The following TSACC variants were observed in gnomAD, a reference collection of about 807,000 sequenced individuals.
The protein encoded by TSACC is TSSK6 activating cochaperone.
Under a neutral mutation model 6.9 loss-of-function variants are expected in TSACC, and 3 were observed. That is an observed-to-expected ratio of 0.43 (90% CI 0.20 to 1.12). The LOEUF is 1.12. TSACC is among the 50% of genes most tolerant of loss of function. The probability of loss-of-function intolerance (pLI) is 0.28; values close to 1 mark genes in which losing one functional copy is unlikely to be tolerated. For synonymous variants in TSACC, 54 were observed against 55.1 expected, an observed-to-expected ratio of 0.98 and a Z score of 0.09; for missense variants, 137 against 143.9, an observed-to-expected ratio of 0.95 and a Z score of 0.24.
chr1:156,342,062 CAAAAA>C (rs554820517), intron 2 of TSACC, among the ~76,000 whole-genome samples: 1 of 57,266 alleles, frequency 1.7e-5, no homozygotes, highest in Non-Finnish European at 3.8e-5. Context: ...ACTCCGTCTC[CAAAAA>C]AAAAAAAAAA....
upstream of TSACC, chr1:156,338,022 C>A: frequency 1.0e-6 from 1 of 982,588 alleles, no homozygotes. Flanking sequence ...GGACACTGGG[C>A]TTCCAAAATG....
chr1:156,342,059 C>G (rs926659777), intron 2 of TSACC, among the ~76,000 whole-genome samples: 17 of 138,214 alleles, frequency 1.2e-4, no homozygotes, highest in African/African-American at 4.7e-4. Context: ...AAGACTCCGT[C>G]TCCAAAAAAA....
At chr1:156,339,545 A>G (rs1355247403) in intron 1 of TSACC, 89 bp from the exon 2 acceptor site, 1 of 515,492 alleles carries the variant, frequency 1.9e-6, no homozygotes, top group Non-Finnish European at 3.4e-6. Flanking sequence ...TGTTTTCCAA[A>G]CTAGTGAAGG....
At chr1:156,340,658 G>A (rs1349716052) in intron 2 of TSACC, among the ~76,000 whole-genome samples, 2 of 149,902 alleles carry the variant, frequency 1.3e-5, no homozygotes, top group Non-Finnish European at 3.0e-5. Context: ...ATGGGGTTTC[G>A]CCATCTTGGT....
chr1:156,337,942 G>T (rs1665515013), upstream of TSACC, among the ~76,000 whole-genome samples: 1 of 152,194 alleles, frequency 6.6e-6, no homozygotes, highest in African/African-American at 2.4e-5. Context: ...AAGGAAAGAG[G>T]CTCGGCGAGA....
chr1:156,344,573 G>C lies in TSACC; in HGVS notation c.35-7G>C. ...AATGAGCTCTGATTTAGTTATCTCT[G>C]ATTTAGTTCCAGCCAAAGAGGAAGC... On this transcript the variant is annotated splice_polypyrimidine_tract_variant and splice_region_variant and intron_variant, in intron 2 of 3. Coordinates refer to ENST00000368254, the MANE Select transcript of TSACC (RefSeq NM_001304817.2). 1 of 1,613,100 alleles carries C rather than the reference G, an allele frequency of 6.2e-7. No homozygotes were observed. Among genetic ancestry groups the C allele is most frequent in the African/African-American group, 1.3e-5 (1 of 74,770 alleles).
chr1:156,342,725 GCCTGTCTGC>G (rs1172464172), intron 2 of TSACC, among the ~76,000 whole-genome samples: 2 of 152,188 alleles, frequency 1.3e-5, no homozygotes, highest in African/African-American at 4.8e-5. Flanking sequence ...ATCACCTAAT[GCCTGTCTGC>G]ACAGCAAGAC....
rs1453335498 is a variant in TSACC, at chr1:156,346,867, A to G, written c.263A>G (p.Glu88Gly). ...QLAQQQMAVLEHLQASVTQLA... is the reference protein window; with the variant it reads ...QLAQQQMAVLGHLQASVTQLA... ...GCCCAACAACAGATGGCTGTTTTGG[A>G]ACATTTACAGGCATCTGTGACACAA... is the stretch of plus-strand genomic sequence containing the variant. The change falls in exon 4 of 4, where the codon GAA becomes GGA. Residue 88 changes from glutamate to glycine, a missense_variant. Transcript: ENST00000368254. 2.5e-6 allele frequency: 4 copies of G among 1,614,058 alleles called. No individual in the cohort carries two copies. Among genetic ancestry groups the G allele is most frequent in the Non-Finnish European group, 3.4e-6 (4 of 1,180,032 alleles).
At chr1:156,342,224 T>G (rs1294819954) in intron 2 of TSACC, among the ~76,000 whole-genome samples, 1 of 152,178 alleles carries the variant, frequency 6.6e-6, no homozygotes, top group Non-Finnish European at 1.5e-5. Context: ...TTCTGTCTCC[T>G]TACCACATTC....
chr1:156,344,706 C>T lies in TSACC; in HGVS notation c.161C>T (p.Ser54Leu), dbSNP rs41265043. The T allele has an allele frequency of 0.02, 31,646 of 1,613,694 alleles. 362 individuals are homozygous for T. Among genetic ancestry groups the T allele is most frequent in the Non-Finnish European group, 0.023 (26,811 of 1,179,870 alleles). Reference sequence around the variant, plus strand: ...AACATCCAGACAACAAAGCTGCCCTCGGGTAAGGATGTAGGGAGGGTTTTC... The same window carrying T: ...AACATCCAGACAACAAAGCTGCCCTTGGGTAAGGATGTAGGGAGGGTTTTC... ...FLNIQTTKLP[S>L]VDHKPKECLG... is the part of the protein sequence containing the mutation. Residue 54 changes from serine (S) to leucine (L), a missense_variant and splice_region_variant, in exon 3 of 4, where the codon TCG becomes TTG. Physicochemically the swap from Ser to Leu is moderately radical, Grantham distance 145 (BLOSUM62 -2). Transcript: ENST00000368254.
Position 156,346,863 on chromosome 1 carries a change from T to G in TSACC, c.259T>G (p.Leu87Val). The G allele has an allele frequency of 6.2e-7, 1 of 1,614,148 alleles. No individual in the cohort carries two copies. Among genetic ancestry groups the G allele is most frequent in the South Asian group, 1.1e-5 (1 of 91,072 alleles). ...TQLAQQQMAV[L>V]EHLQASVTQL... The stretch of plus-strand genomic sequence containing the variant: ...GCTCGCCCAACAACAGATGGCTGTT[T>G]TGGAACATTTACAGGCATCTGTGAC... Residue 87 changes from leucine to valine, a missense_variant, in exon 4 of 4, where the codon TTG (leucine) becomes GTG (valine). By Grantham distance (32) the Leu-to-Val change is conservative. Coordinates refer to ENST00000368254, the MANE Select transcript of TSACC (RefSeq NM_001304817.2).
chr1:156,337,729 G>A (rs978797627), upstream of TSACC: 14 of 206,788 alleles, frequency 6.8e-5, no homozygotes, highest in Non-Finnish European at 1.2e-4. Context: ...CCGTAATACA[G>A]ATTGAAACAT....
intron 2 of TSACC, among the ~76,000 whole-genome samples, chr1:156,341,076 C>G (rs1665856807): frequency 6.6e-6 from 1 of 152,088 alleles, no homozygotes; most frequent in African/African-American, 2.4e-5. Flanking sequence ...TCTGGCCTCC[C>G]AAAGTCCTGG....
chr1:156,339,473 A>G (rs1665692095), intron 1 of TSACC, among the ~76,000 whole-genome samples, 161 bp from the exon 2 acceptor site: 2 of 152,120 alleles, frequency 1.3e-5, no homozygotes, highest in Admixed American at 1.3e-4. Flanking sequence ...GAGACGTTTA[A>G]GGTTTGGGTT....
chr1:156,338,109 A>G (rs1294276315), upstream of TSACC: 1 of 1,565,966 alleles, frequency 6.4e-7, no homozygotes, highest in East Asian at 2.3e-5. Flanking sequence ...TATGGACAGA[A>G]GAGGGCGAAA....
At chr1:156,344,806 C>G in intron 3 of TSACC, 98 bp downstream of exon 3, 4 of 1,410,580 alleles carry the variant, frequency 2.8e-6, no homozygotes, top group Non-Finnish European at 2.9e-6. Flanking sequence ...AGAGCCAAAT[C>G]TATGTTAGGC....
At chr1:156,344,430 T>C (rs986301811) in intron 2 of TSACC, 150 bp from the exon 3 acceptor site, 9 of 1,219,092 alleles carry the variant, frequency 7.4e-6, no homozygotes, top group Non-Finnish European at 9.0e-6. Context: ...AATCCTATTA[T>C]GATTTCTTTT....
Position 156,344,586 on chromosome 1 carries a change from C to G in TSACC, c.41C>G (p.Ala14Gly). Residue 14 changes from alanine to glycine, a missense_variant, in exon 3 of 4, where the codon GCC becomes GGC. Ala to Gly is a moderately conservative substitution (Grantham distance 60). Coordinates refer to ENST00000368254, the MANE Select transcript of TSACC (RefSeq NM_001304817.2). ...HTSHPNRKVP[A>G]KEEANAVPLC... ...TTAGTTATCTCTGATTTAGTTCCAG[C>G]CAAAGAGGAAGCTAATGCTGTGCCT... 1 of 1,613,588 alleles carries G rather than the reference C, an allele frequency of 6.2e-7. No individual in the cohort carries two copies. The highest frequency in any genetic ancestry group is 1.1e-5 in the South Asian group (1 of 90,984).
At chr1:156,346,206 A>AG (rs1168174054) in intron 3 of TSACC, among the ~76,000 whole-genome samples, 3 of 151,810 alleles carry the variant, frequency 2.0e-5, no homozygotes, top group African/African-American at 7.2e-5. Context: ...AAAAAAAAAA[A>AG]AAAAAGAAAA....
Sources: allele counts gnomAD v4.1 joint callset (sites outside exome capture counted in the v4.1 genomes callset), GRCh38; gene constraint gnomAD v4.1.1; transcripts MANE v1.5; gene names NCBI Gene and HGNC (gene_info 2026-07-23, HGNC 2026-07-21).